The following CCDC18 variants were observed in gnomAD, a reference collection of about 807,000 sequenced individuals.
The protein encoded by CCDC18 is coiled-coil domain containing 18.
In CCDC18, 157 loss-of-function variants were observed where a neutral mutation model predicts 196.0. The ratio of observed to expected loss-of-function variants is 0.80; its 90% CI spans 0.70 to 0.91. The LOEUF (loss-of-function observed/expected upper bound fraction) is 0.91. Ranked by LOEUF, CCDC18 falls within the 40% of genes least tolerant of loss-of-function variation. CCDC18 has a pLI of 0.00. For synonymous variants in CCDC18, 482 were observed against 529.2 expected (o/e 0.91, Z 1.22); for missense variants, 1,465 against 1,611.6 (o/e 0.91, Z 1.56).
At chr1:93,211,177 C>G (rs1655565363) in intron 10 of CCDC18, among the ~76,000 whole-genome samples, 1 of 151,488 alleles carries the variant, frequency 6.6e-6, no homozygotes, top group Non-Finnish European at 1.5e-5. Flanking sequence ...ACTTGGGAGG[C>G]TGAGGCAGGA....
chr1:93,252,001 TTATCTATCTATCTGTCTGTCTATC>T (rs1662316565), intron 23 of CCDC18, among the ~76,000 whole-genome samples: 2 of 135,082 alleles, frequency 1.5e-5, no homozygotes, highest in Non-Finnish European at 1.5e-5. Context: ...TGTAGTCTAT[TTATCTATCTATCTGTCTGTCTATC>T]TATCTATCTA....
chr1:93,259,707 G>A (rs1246744701), intron 26 of CCDC18, among the ~76,000 whole-genome samples: 1 of 152,066 alleles, frequency 6.6e-6, no homozygotes, highest in East Asian at 1.9e-4. Flanking sequence ...CTAATCCTAA[G>A]GCTAAGAATT....
upstream of CCDC18, chr1:93,180,475 C>A: frequency 2.0e-6 from 3 of 1,483,142 alleles, no homozygotes; most frequent in South Asian, 1.2e-5. Context: ...AGTCTCGGCC[C>A]CCTCAGGCCA....
rs1016912011 is a variant in CCDC18 at position 93,256,591 on chromosome 1, A to G, written c.3546+53A>G. 54 of 1,426,564 alleles carry G rather than the reference A, an allele frequency of 3.8e-5. No individual in the cohort carries two copies. In the Admixed American group the frequency reaches 4.3e-4, roughly 11 times the overall value. The allele number at this position is 1,426,564 out of a possible 1,614,324, so 88.4% of individuals were successfully genotyped here. ...TATCTGAAATCTTACAAATATTAGC[A>G]TTTTTTTTGAACTGTAGAATATAGT... is the stretch of plus-strand genomic sequence containing the variant. On this transcript the variant is annotated intron_variant, in intron 25 of 28. Transcript: ENST00000690025.
At chr1:93,250,261 C>G (rs7512911) in intron 23 of CCDC18, among the ~76,000 whole-genome samples, 71,623 of 151,240 alleles carry the variant, frequency 0.47, 20,109 homozygotes, top group African/African-American at 0.79. Context: ...AGCACTTGTA[C>G]TCCCAGCTAC....
intron 8 of CCDC18, among the ~76,000 whole-genome samples, chr1:93,206,119 CTA>C (rs940779548): frequency 1.4e-4 from 14 of 101,456 alleles, no homozygotes; most frequent in Non-Finnish European, 3.1e-4. Flanking sequence ...CCTCTCAAAA[CTA>C]ACACCCATCA....
intron 6 of CCDC18, among the ~76,000 whole-genome samples, chr1:93,198,277 A>G (rs562033935): frequency 5.5e-4 from 84 of 152,378 alleles, no homozygotes; most frequent in African/African-American, 2.0e-3. Context: ...TGTTCACATA[A>G]TTATACACAT....
intron 4 of CCDC18, among the ~76,000 whole-genome samples, chr1:93,189,501 T>C (rs1226885210): frequency 1.3e-5 from 2 of 152,244 alleles, no homozygotes; most frequent in African/African-American, 4.8e-5. Context: ...GTGGAATTTC[T>C]GGATCATATG....
intron 5 of CCDC18, among the ~76,000 whole-genome samples, chr1:93,192,422 A>G (rs1651976109): frequency 1.3e-5 from 2 of 152,330 alleles, no homozygotes; most frequent in South Asian, 4.1e-4. Flanking sequence ...AATAAAATGT[A>G]AAGGAGTCAG....
intron 17 of CCDC18, among the ~76,000 whole-genome samples, chr1:93,232,221 A>G (rs1242624981): frequency 6.6e-6 from 1 of 152,180 alleles, no homozygotes; most frequent in Non-Finnish European, 1.5e-5. Context: ...ACCAACCAAG[A>G]GCAATCCTAT....
intron 6 of CCDC18, among the ~76,000 whole-genome samples, chr1:93,194,620 A>G (rs1163456287): frequency 6.6e-6 from 1 of 152,222 alleles, no homozygotes; most frequent in Non-Finnish European, 1.5e-5. Flanking sequence ...AGTAAATGAA[A>G]AAAAGAAATG....
chr1:93,239,536 G>A (rs1660489293), intron 20 of CCDC18, 63 bp downstream of exon 20: 1 of 1,526,886 alleles, frequency 6.5e-7, no homozygotes, highest in African/African-American at 1.4e-5. Flanking sequence ...GTGAAATAAT[G>A]TGAGAATTTG....
chr1:93,223,933 ACACACAC>A (rs1657879489), intron 16 of CCDC18, among the ~76,000 whole-genome samples: 1 of 141,252 alleles, frequency 7.1e-6, no homozygotes, highest in Non-Finnish European at 1.6e-5. Flanking sequence ...ACACACACAC[ACACACAC>A]ATTTGCAAGT....
At chr1:93,230,491 CA>C (rs1391322949) in intron 17 of CCDC18, among the ~76,000 whole-genome samples, 20 of 123,136 alleles carry the variant, frequency 1.6e-4, no homozygotes, top group African/African-American at 2.1e-4. Context: ...GACTCCATCT[CA>C]AAAAAAAAAA....
At chr1:93,272,709 T>C (rs1395324128) in intron 28 of CCDC18, among the ~76,000 whole-genome samples, 1 of 151,930 alleles carries the variant, frequency 6.6e-6, no homozygotes, top group East Asian at 1.9e-4. Flanking sequence ...AGAGAGGAAA[T>C]AGAAACATCA....
chr1:93,187,846 G>T (rs1334960410), intron 4 of CCDC18, among the ~76,000 whole-genome samples: 2 of 152,024 alleles, frequency 1.3e-5, no homozygotes, highest in Admixed American at 1.3e-4. Context: ...AGGGAAAAAT[G>T]CTGTTTTTCT....
intron 26 of CCDC18, among the ~76,000 whole-genome samples, chr1:93,259,196 T>C (rs892243614): frequency 1.3e-5 from 2 of 152,188 alleles, no homozygotes; most frequent in African/African-American, 4.8e-5. Context: ...GTGGTGAATA[T>C]TAAATGAATT....
chr1:93,241,471 C>A (rs1204415413), intron 21 of CCDC18, among the ~76,000 whole-genome samples: 2 of 151,904 alleles, frequency 1.3e-5, no homozygotes, highest in Non-Finnish European at 2.9e-5. Context: ...CGCCTGTAAT[C>A]CCAACACTTT....
intron 4 of CCDC18, among the ~76,000 whole-genome samples, chr1:93,189,672 T>G (rs1429890783): frequency 6.7e-6 from 1 of 150,276 alleles, no homozygotes; most frequent in Non-Finnish European, 1.5e-5. Context: ...TGTTTTTTTG[T>G]TTTTTTTTGA....
Sources: gnomAD v4.1 joint callset for allele counts (sites outside exome capture counted in the v4.1 genomes callset) on GRCh38, gnomAD v4.1.1 for gene constraint, MANE v1.5 for transcripts, NCBI Gene and HGNC (gene_info 2026-07-23, HGNC 2026-07-21) for gene names.